Variants in HACE1 observed in about 807,000 individuals in gnomAD.
HACE1 encodes the protein HECT domain and ankyrin repeat containing E3 ubiquitin protein ligase 1.
HACE1 carries 73 observed loss-of-function variants against 118.4 expected under a neutral mutation model. The observed-to-expected ratio is 0.62, with a 90% CI of 0.51 to 0.75. HACE1 has a LOEUF of 0.75. Among genes scored for constraint, HACE1 ranks in the 30% least tolerant of loss-of-function variants. The pLI is 0.00. For missense variants in HACE1, 749 were observed against 1,102.2 expected, an observed-to-expected ratio of 0.68 and a Z score of 4.54; for synonymous variants, 368 against 374.8, an observed-to-expected ratio of 0.98 and a Z score of 0.21.
intron 7 of HACE1, among the ~76,000 whole-genome samples, chr6:104,799,594 T>C (rs567872435): frequency 6.6e-6 from 1 of 152,336 alleles, no homozygotes; most frequent in South Asian, 2.1e-4. Context: ...AAGAGTATAA[T>C]GGAGTTGCTC....
chr6:104,789,214 C>T (rs28360549), intron 11 of HACE1, among the ~76,000 whole-genome samples: 21,869 of 151,978 alleles, frequency 0.14, 1,599 homozygotes, highest in Middle Eastern at 0.22. Flanking sequence ...CCCAAAGATT[C>T]CATGTTTCAT....
intron 22 of HACE1, among the ~76,000 whole-genome samples, chr6:104,734,244 G>A (rs1302272084): frequency 6.7e-6 from 1 of 150,010 alleles, no homozygotes; most frequent in African/African-American, 2.5e-5. Context: ...AAATATTAAT[G>A]TCAATACTAT....
intron 22 of HACE1, among the ~76,000 whole-genome samples, chr6:104,740,576 C>A (rs1490719604): frequency 6.6e-6 from 1 of 151,130 alleles, no homozygotes; most frequent in African/African-American, 2.4e-5. Context: ...TGGATAAATT[C>A]CTCGACACAT....
intron 22 of HACE1, 70 bp downstream of exon 22, chr6:104,744,090 A>C (rs1777133165): frequency 3.4e-6 from 3 of 882,342 alleles, no homozygotes; most frequent in Non-Finnish European, 5.8e-6. Flanking sequence ...TCCTTATTTT[A>C]GTTATCTCTA....
chr6:104,798,837 T>C (rs546600087), intron 7 of HACE1, among the ~76,000 whole-genome samples: 2 of 152,304 alleles, frequency 1.3e-5, no homozygotes, highest in Non-Finnish European at 2.9e-5. Flanking sequence ...GAGGAATCCA[T>C]CTTATAAAAC....
intron 22 of HACE1, among the ~76,000 whole-genome samples, chr6:104,734,288 C>A (rs983595630): frequency 6.6e-6 from 1 of 151,404 alleles, no homozygotes; most frequent in Admixed American, 6.6e-5. Context: ...TGTATTAATT[C>A]TTGGTTCAAC....
At chr6:104,801,575 G>T (rs1233075219) in intron 7 of HACE1, among the ~76,000 whole-genome samples, 1 of 152,162 alleles carries the variant, frequency 6.6e-6, no homozygotes, top group African/African-American at 2.4e-5. Context: ...CATTCTTAAA[G>T]AAAATAATTT....
At chr6:104,746,121 A>G (rs1437377834) in intron 20 of HACE1, among the ~76,000 whole-genome samples, 4 of 152,204 alleles carry the variant, frequency 2.6e-5, no homozygotes, top group African/African-American at 9.6e-5. Flanking sequence ...TAGTTTTTCA[A>G]ATGTTCTCTA....
At chr6:104,810,849 A>C (rs1771523754) in intron 7 of HACE1, among the ~76,000 whole-genome samples, 2 of 152,120 alleles carry the variant, frequency 1.3e-5, no homozygotes, top group African/African-American at 4.8e-5. Flanking sequence ...ATAGATACAG[A>C]GAAAGAAAAG....
intron 7 of HACE1, among the ~76,000 whole-genome samples, chr6:104,804,611 G>A (rs566210267): frequency 6.6e-6 from 1 of 152,244 alleles, no homozygotes; most frequent in East Asian, 1.9e-4. Context: ...ATAGGGAAAG[G>A]ATTCCCTATT....
At chr6:104,732,882 T>A (rs754772999) in intron 22 of HACE1, among the ~76,000 whole-genome samples, 3 of 152,234 alleles carry the variant, frequency 2.0e-5, no homozygotes, top group African/African-American at 7.2e-5. Flanking sequence ...GATGAAATTC[T>A]TGAGCTTACT....
intron 22 of HACE1, among the ~76,000 whole-genome samples, chr6:104,740,468 T>C (rs988891194): frequency 6.9e-4 from 105 of 152,192 alleles, no homozygotes; most frequent in African/African-American, 2.3e-3. Flanking sequence ...TAAAAAATGA[T>C]AAAGGGGATA....
chr6:104,733,737 G>C (rs963928294), intron 22 of HACE1, among the ~76,000 whole-genome samples: 1 of 151,472 alleles, frequency 6.6e-6, no homozygotes, highest in Non-Finnish European at 1.5e-5. Flanking sequence ...TGTAATTGGA[G>C]GCTAAGGAAG....
At chr6:104,818,942 G>A (rs1250929714) in intron 6 of HACE1, among the ~76,000 whole-genome samples, 2 of 151,958 alleles carry the variant, frequency 1.3e-5, no homozygotes, top group Non-Finnish European at 2.9e-5. Flanking sequence ...CATAATGAAT[G>A]GGCAAAACCT....
chr6:104,747,947 A>G (rs1377595339), intron 20 of HACE1, among the ~76,000 whole-genome samples: 1 of 152,180 alleles, frequency 6.6e-6, no homozygotes, highest in African/African-American at 2.4e-5. Flanking sequence ...AAGAGCCACA[A>G]TTAAAAACTT....
chr6:104,742,051 G>C (rs1776795974), intron 22 of HACE1, among the ~76,000 whole-genome samples: 1 of 143,978 alleles, frequency 6.9e-6, no homozygotes, highest in Non-Finnish European at 1.5e-5. Flanking sequence ...AGAAAAACAA[G>C]CAATGGGGAA....
rs1162790681 is a variant in HACE1 at position 104,850,978 on chromosome 6, T to C, written c.150A>G (p.Leu50=). 8 of 1,604,904 alleles carry C rather than the reference T, an allele frequency of 5.0e-6. No homozygotes were observed. The highest frequency in any genetic ancestry group is 6.8e-6 in the Non-Finnish European group (8 of 1,171,622). Reference sequence around the variant, plus strand: ...AATTGACATCAAATTTTGAATTTGATAGTAGTTCAGAAACAGACCTATGCC... The same window carrying C: ...AATTGACATCAAATTTTGAATTTGACAGTAGTTCAGAAACAGACCTATGCC... The part of the protein sequence containing the change: ...ADQHRSVSEL[L]SNSKFDVNYA... The change falls in exon 3 of 24, where the codon CTA becomes CTG. Residue 50 remains leucine, a synonymous_variant. Transcript: ENST00000262903.
chr6:104,753,440 T>C (rs1293743653), intron 19 of HACE1, among the ~76,000 whole-genome samples: 1 of 152,188 alleles, frequency 6.6e-6, no homozygotes, highest in Non-Finnish European at 1.5e-5. Flanking sequence ...TGTGACTTGT[T>C]AAGATCTCCC....
intron 11 of HACE1, chr6:104,786,124 C>G (rs1782364853): frequency 6.6e-6 from 1 of 151,964 alleles, no homozygotes; most frequent in Non-Finnish European, 1.5e-5. Flanking sequence ...CACTTGAGGT[C>G]AGGAATTCGA....
Sources: gnomAD v4.1 joint callset for allele counts (sites outside exome capture counted in the v4.1 genomes callset) on GRCh38, gnomAD v4.1.1 for gene constraint, MANE v1.5 for transcripts, NCBI Gene and HGNC (gene_info 2026-07-23, HGNC 2026-07-21) for gene names.